The following POFUT3 variants were observed in gnomAD, a reference collection of about 807,000 sequenced individuals.
POFUT3 encodes protein O-fucosyltransferase 3.
chr8:33,336,934 T>A, the POFUT3 span, among the ~76,000 whole-genome samples: 1 of 152,110 alleles, frequency 6.6e-6, no homozygotes, highest in Non-Finnish European at 1.5e-5. Flanking sequence ...CTGAACAGGC[T>A]CCTGTTTGAC....
chr8:33,370,169 T>TAAAAAAAAAAAAAAA, the POFUT3 span, among the ~76,000 whole-genome samples: 1 of 39,896 alleles, frequency 2.5e-5, no homozygotes, highest in Non-Finnish European at 5.3e-5. Context: ...CCATCTTTAC[T>TAAAAAAAAAAAAAAA]AAAAAAAAAA....
the POFUT3 span, among the ~76,000 whole-genome samples, chr8:33,419,732 T>C: frequency 3.3e-5 from 5 of 152,236 alleles, no homozygotes; most frequent in African/African-American, 1.2e-4. Flanking sequence ...GGATGGGGAC[T>C]GCAGAACAAT....
chr8:33,414,807 C>A, the POFUT3 span, among the ~76,000 whole-genome samples: 1 of 152,022 alleles, frequency 6.6e-6, no homozygotes, highest in South Asian at 2.1e-4. Context: ...TATTGAAAAA[C>A]TCCCAAGAGT....
the POFUT3 span, among the ~76,000 whole-genome samples, chr8:33,418,542 A>G: frequency 6.6e-6 from 1 of 151,636 alleles, no homozygotes; most frequent in African/African-American, 2.4e-5. Context: ...GCCTCAGGTG[A>G]TCTGCCCACC....
At chr8:33,341,806 C>T in the POFUT3 span, among the ~76,000 whole-genome samples, 5 of 152,184 alleles carry the variant, frequency 3.3e-5, no homozygotes, top group Non-Finnish European at 7.3e-5. Context: ...TGCCTGTAAT[C>T]CCAACACTTT....
the POFUT3 span, chr8:33,436,482 C>G: frequency 7.2e-7 from 1 of 1,383,226 alleles, no homozygotes; most frequent in African/African-American, 1.4e-5. Context: ...AGGTTTTGCT[C>G]TCATTCGTGC....
chr8:33,338,769 T>C, the POFUT3 span: 2 of 152,156 alleles, frequency 1.3e-5, no homozygotes, highest in African/African-American at 2.4e-5. Flanking sequence ...TCACCTCCAA[T>C]TGGCAGAAAT....
the POFUT3 span, among the ~76,000 whole-genome samples, chr8:33,439,962 T>C: frequency 6.6e-6 from 1 of 152,124 alleles, no homozygotes. Context: ...TCAAATCTCA[T>C]CTCATGCTGC....
chr8:33,411,199 C>T, the POFUT3 span, among the ~76,000 whole-genome samples: 2,201 of 152,280 alleles, frequency 0.014, 55 homozygotes, highest in African/African-American at 0.049. Context: ...AGCAAATTCA[C>T]TGATCCAAGG....
chr8:33,409,621 T>C, the POFUT3 span, among the ~76,000 whole-genome samples: 2 of 152,194 alleles, frequency 1.3e-5, no homozygotes, highest in Admixed American at 1.3e-4. Context: ...TATGAACTCA[T>C]CTGGCCGGGC....
At chr8:33,317,561 TG>T in the POFUT3 span, among the ~76,000 whole-genome samples, 7 of 152,172 alleles carry the variant, frequency 4.6e-5, no homozygotes, top group Non-Finnish European at 7.3e-5. Flanking sequence ...TTTGGAATTT[TG>T]CCTGTAACAT....
At chr8:33,431,714 G>A in the POFUT3 span, among the ~76,000 whole-genome samples, 3 of 151,836 alleles carry the variant, frequency 2.0e-5, no homozygotes, top group African/African-American at 7.3e-5. Context: ...TATTAAAGAT[G>A]ATTATATATT....
the POFUT3 span, chr8:33,436,653 C>T: frequency 3.5e-6 from 3 of 861,416 alleles, no homozygotes; most frequent in South Asian, 4.1e-5. Flanking sequence ...AGCGAATCTC[C>T]CGCTGTGTAG....
the POFUT3 span, among the ~76,000 whole-genome samples, chr8:33,431,175 T>C: frequency 2.0e-5 from 3 of 152,118 alleles, no homozygotes; most frequent in Non-Finnish European, 4.4e-5. Context: ...TTTTGACACT[T>C]TTAGATATCA....
the POFUT3 span, among the ~76,000 whole-genome samples, chr8:33,441,679 C>A: frequency 6.6e-6 from 1 of 152,060 alleles, no homozygotes; most frequent in South Asian, 2.1e-4. Context: ...CTGCACCCAG[C>A]CTTGTTTTAA....
the POFUT3 span, among the ~76,000 whole-genome samples, chr8:33,427,954 T>A: frequency 1.3e-5 from 2 of 152,068 alleles, no homozygotes; most frequent in African/African-American, 2.4e-5. Context: ...GTGAAACCCA[T>A]CTCTACTAAA....
chr8:33,319,307 T>G, the POFUT3 span, among the ~76,000 whole-genome samples: 3 of 80,878 alleles, frequency 3.7e-5, no homozygotes, highest in South Asian at 1.1e-3. Context: ...ATATAATATG[T>G]AAATATATTT....
the POFUT3 span, among the ~76,000 whole-genome samples, chr8:33,393,532 A>G: frequency 6.6e-6 from 1 of 152,204 alleles, no homozygotes; most frequent in South Asian, 2.1e-4. Flanking sequence ...ACTTTATGGG[A>G]CATGTTTATA....
the POFUT3 span, among the ~76,000 whole-genome samples, chr8:33,380,016 TATATATATATACTATATATATACG>T: frequency 8.3e-5 from 4 of 48,128 alleles, 1 homozygote; most frequent in African/African-American, 2.1e-4. Context: ...ATATATATAG[TATATATATATACTATATATATACG>T]ATATATATAC....
Sources: gnomAD v4.1 joint callset for allele counts (sites outside exome capture counted in the v4.1 genomes callset) on GRCh38, gnomAD v4.1.1 for gene constraint, MANE v1.5 for transcripts, NCBI Gene and HGNC (gene_info 2026-07-23, HGNC 2026-07-21) for gene names.